The following PTPRN2 variants were observed in gnomAD, a reference collection of about 807,000 sequenced individuals.
PTPRN2 encodes the protein receptor-type tyrosine-protein phosphatase N2.
Under a neutral mutation model 118.8 loss-of-function variants are expected in PTPRN2, and 74 were observed. The observed-to-expected ratio is 0.62, with a 90% CI of 0.52 to 0.76. PTPRN2 has a LOEUF of 0.76. Ranked by LOEUF, PTPRN2 falls within the 30% of genes least tolerant of loss-of-function variation. The pLI is 0.00. For synonymous variants in PTPRN2, 641 were observed against 608.0 expected, an observed-to-expected ratio of 1.05 and a Z score of -0.80; for missense variants, 1,481 against 1,394.4, an observed-to-expected ratio of 1.06 and a Z score of -0.99.
At chr7:158,267,368 G>T (rs890897614) in intron 3 of PTPRN2, among the ~76,000 whole-genome samples, 1 of 152,186 alleles carries the variant, frequency 6.6e-6, no homozygotes, top group African/African-American at 2.4e-5. Context: ...ACACTGGGGA[G>T]GGTGTGTGCT....
intron 12 of PTPRN2, among the ~76,000 whole-genome samples, chr7:157,715,089 G>A (rs1405186944): frequency 6.6e-6 from 1 of 152,262 alleles, no homozygotes; most frequent in Non-Finnish European, 1.5e-5. Flanking sequence ...TGCTTTCTGA[G>A]CACTTGAATC....
intron 1 of PTPRN2, among the ~76,000 whole-genome samples, chr7:158,491,385 C>A (rs536960524): frequency 6.6e-6 from 1 of 152,190 alleles, no homozygotes; most frequent in African/African-American, 2.4e-5. Flanking sequence ...CAGTCACAGG[C>A]GGGTGGACAC....
intron 11 of PTPRN2, among the ~76,000 whole-genome samples, chr7:157,927,950 G>A (rs565072638): frequency 3.3e-5 from 5 of 152,180 alleles, no homozygotes; most frequent in Non-Finnish European, 7.3e-5. Flanking sequence ...TTGCAAACTA[G>A]GGCTGGGGTC....
intron 2 of PTPRN2, among the ~76,000 whole-genome samples, chr7:158,411,666 C>G (rs1814100960): frequency 6.6e-6 from 1 of 152,226 alleles, no homozygotes; most frequent in Non-Finnish European, 1.5e-5. Context: ...AACCTGGGTA[C>G]CAAGCAGCCA....
intron 10 of PTPRN2, among the ~76,000 whole-genome samples, chr7:158,100,276 T>TGC (rs939455361): frequency 2.9e-5 from 4 of 136,970 alleles, no homozygotes; most frequent in African/African-American, 1.1e-4. Context: ...TGTGTGTGTG[T>TGC]GTGCCACGAT....
intron 12 of PTPRN2, among the ~76,000 whole-genome samples, chr7:157,802,654 C>CTGT (rs1228145093): frequency 6.6e-6 from 1 of 152,218 alleles, no homozygotes; most frequent in Non-Finnish European, 1.5e-5. Context: ...AAACTTCATA[C>CTGT]TGTTTTCCAT....
rs1246913977 is a variant in PTPRN2 at position 158,407,669 on chromosome 7, CGTCCTGG to C, written c.163+82059_163+82065del. Among the ~76,000 whole-genome samples, 332 of 98,420 alleles carry C rather than the reference CGTCCTGG, an allele frequency of 3.4e-3. 69 individuals are homozygous for C. The highest frequency in any genetic ancestry group is 0.012 in the African/African-American group (309 of 25,646). The allele number at this position is 98,420 out of a possible 152,430, so 64.6% of individuals were successfully genotyped here. A position where few individuals can be genotyped will look rare whatever the true frequency, so the allele number is the denominator to read the frequency against. ...CCTGGGTCCTGCATCCTGCGTCCTGCGTCCTGGGTCCTGGGTCCTGGGTCCTGCGTCC... is the reference window on the plus strand; with the variant it reads ...CCTGGGTCCTGCATCCTGCGTCCTGCGTCCTGGGTCCTGGGTCCTGCGTCC... On this transcript the variant is annotated intron_variant, in intron 2 of 22. Coordinates refer to ENST00000389418, the MANE Select transcript of PTPRN2 (RefSeq NM_002847.5).
chr7:158,530,615 G>A (rs562542273), intron 1 of PTPRN2, among the ~76,000 whole-genome samples: 2 of 152,330 alleles, frequency 1.3e-5, no homozygotes, highest in Non-Finnish European at 2.9e-5. Flanking sequence ...GTGTGAGAGC[G>A]TGTGCCTGTG....
chr7:158,074,955 G>C (rs909480982), intron 11 of PTPRN2, among the ~76,000 whole-genome samples: 2 of 152,202 alleles, frequency 1.3e-5, no homozygotes, highest in African/African-American at 4.8e-5. Flanking sequence ...CAGTATCCCC[G>C]AGTGTCCCCC....
chr7:157,768,540 G>A (rs563322207), intron 12 of PTPRN2, among the ~76,000 whole-genome samples: 5 of 152,288 alleles, frequency 3.3e-5, no homozygotes, highest in South Asian at 4.1e-4. Flanking sequence ...TGGGGATGAC[G>A]TGAGGCTCCC....
intron 5 of PTPRN2, among the ~76,000 whole-genome samples, chr7:158,184,594 C>T (rs1030932901): frequency 6.6e-6 from 1 of 152,054 alleles, no homozygotes; most frequent in Non-Finnish European, 1.5e-5. Context: ...AGTGGATCAC[C>T]TGAGGTCAGG....
chr7:157,827,958 C>A (rs1036057388), intron 12 of PTPRN2, among the ~76,000 whole-genome samples: 3 of 152,194 alleles, frequency 2.0e-5, no homozygotes, highest in African/African-American at 7.2e-5. Context: ...GCTGACAGGT[C>A]TCCGCAAGGC....
intron 12 of PTPRN2, among the ~76,000 whole-genome samples, chr7:157,774,403 C>G (rs1053669562): frequency 1.3e-5 from 2 of 152,306 alleles, no homozygotes; most frequent in East Asian, 1.9e-4. Flanking sequence ...GCCTGTCAAG[C>G]CTGGTGAATC....
rs1802967683 is a variant in PTPRN2, at chr7:157,772,832, C to G, written c.1789-89895G>C. Reference sequence around the variant, plus strand: ...TTCTTCTCTGGCCTCTGCGCCCCAGCTCCTTTGTGCGAGGTCCCATGTGCT... The same window carrying G: ...TTCTTCTCTGGCCTCTGCGCCCCAGGTCCTTTGTGCGAGGTCCCATGTGCT... On this transcript the variant is annotated intron_variant, in intron 12 of 22. Transcript: ENST00000389418. 2.6e-5 allele frequency among the ~76,000 whole-genome samples: 4 copies of G among 152,388 alleles called. No individual in the cohort carries two copies. The South Asian group carries it at 8.3e-4, about 32-fold the overall frequency.
In PTPRN2 at chr7:157,611,849, C is replaced by T. The variant is rs892414808; in HGVS notation, c.2345-7774G>A. On this transcript the variant is annotated intron_variant, in intron 15 of 22. Coordinates refer to ENST00000389418, the MANE Select transcript of PTPRN2 (RefSeq NM_002847.5). The surrounding 1 kb of genome is among the most constrained non-coding windows in gnomAD (Gnocchi z 5.9). ...CAGCCGCAGTCATGCTGGGGACACGCGGAGGGAGAGCGCCCGTGTGAAGAC... is the reference window on the plus strand; with the variant it reads ...CAGCCGCAGTCATGCTGGGGACACGTGGAGGGAGAGCGCCCGTGTGAAGAC... Among the ~76,000 whole-genome samples, 16 of 138,936 alleles carry T rather than the reference C, an allele frequency of 1.2e-4. No homozygotes were observed. The highest frequency in any genetic ancestry group is 1.6e-4 in the African/African-American group (6 of 36,784). The allele number at this position is 138,936 out of a possible 152,430, so 91.1% of individuals were successfully genotyped here. A position where few individuals can be genotyped will look rare whatever the true frequency, so the allele number is the denominator to read the frequency against.
At position 157,869,448 on chromosome 7, in the gene PTPRN2, A is replaced by G. The variant is rs1375562062; in HGVS notation, c.1788+29225T>C. ...CAGAAAAATTGGATTAAAAGGTAAAAATAAAAATATAAACTTTATTTCTCA... is the reference window on the plus strand; with the variant it reads ...CAGAAAAATTGGATTAAAAGGTAAAGATAAAAATATAAACTTTATTTCTCA... On this transcript the variant is annotated intron_variant, in intron 12 of 22. Coordinates refer to ENST00000389418, the MANE Select transcript of PTPRN2 (RefSeq NM_002847.5). The surrounding 1 kb of genome is among the most constrained non-coding windows in gnomAD (Gnocchi z 4.2). Among the ~76,000 whole-genome samples, 1 of 152,224 alleles carries G rather than the reference A, an allele frequency of 6.6e-6. No homozygotes were observed. Among genetic ancestry groups the G allele is most frequent in the Non-Finnish European group, 1.5e-5 (1 of 68,042 alleles).
chr7:157,688,619 C>G (rs530821422), intron 12 of PTPRN2, among the ~76,000 whole-genome samples: 1 of 152,220 alleles, frequency 6.6e-6, no homozygotes, highest in African/African-American at 2.4e-5. Context: ...AGGTGCTTCT[C>G]GGGACGGGGC....
chr7:157,732,474 C>T (rs71544505), intron 12 of PTPRN2, among the ~76,000 whole-genome samples: 25 of 19,724 alleles, frequency 1.3e-3, no homozygotes, highest in South Asian at 4.5e-3. Context: ...GCACAGTTAC[C>T]CTTTTCCGTC....
intron 12 of PTPRN2, among the ~76,000 whole-genome samples, chr7:157,767,521 T>A (rs1221899963): frequency 6.6e-6 from 1 of 152,210 alleles, no homozygotes; most frequent in East Asian, 1.9e-4. Flanking sequence ...TGCTCACGAA[T>A]ACAGCAGTAA....
Sources: allele counts gnomAD v4.1 joint callset (sites outside exome capture counted in the v4.1 genomes callset), GRCh38; gene constraint gnomAD v4.1.1; non-coding constraint Gnocchi (gnomAD v3.1); transcripts MANE v1.5; gene names NCBI Gene and HGNC (gene_info 2026-07-23, HGNC 2026-07-21).